Variants in SPTBN5 observed in about 807,000 individuals in gnomAD.
SPTBN5 encodes spectrin beta chain, non-erythrocytic 5.
In SPTBN5, 513 loss-of-function variants were observed where a neutral mutation model predicts 477.6. The ratio of observed to expected loss-of-function variants is 1.07; its 90% CI spans 1.00 to 1.16. The LOEUF (loss-of-function observed/expected upper bound fraction) is 1.16. SPTBN5 is among the 50% of genes most tolerant of loss of function. SPTBN5 has a pLI of 0.00. For synonymous variants in SPTBN5, 2,169 were observed against 2,011.7 expected, an observed-to-expected ratio of 1.08 and a Z score of -2.09; for missense variants, 5,062 against 4,731.8, an observed-to-expected ratio of 1.07 and a Z score of -2.05.
At chr15:41,881,269 C>A in intron 12 of SPTBN5, 35 bp from the exon 13 acceptor site, 1 of 1,551,008 alleles carries the variant, frequency 6.4e-7, no homozygotes, top group South Asian at 1.2e-5. Flanking sequence ...TACAGGCGAC[C>A]CCATCAAGCA....
At position 41,882,293 on chromosome 15, in the gene SPTBN5, C is replaced by T. The variant is rs1341391189; in HGVS notation, c.2223G>A (p.Leu741=). The T allele has an allele frequency of 1.4e-6, 2 of 1,394,150 alleles. No individual in the cohort carries two copies. Among genetic ancestry groups the T allele is most frequent in the African/African-American group, 1.5e-5 (1 of 67,328 alleles). 86.4% of individuals were successfully genotyped at this position (1,394,150 alleles called of 1,614,324 possible). The stretch of plus-strand genomic sequence containing the variant: ...CCTGCAGGACCAGCAGGGCTGTCTG[C>T]AGCCGTGCGCCCCGCCCCACCACCC... The part of the protein sequence containing the change: ...QTRVVGRGAR[L]QTALLVLQYF... The change falls in exon 11 of 68, where the codon CTG becomes CTA. Residue 741 remains leucine, a synonymous_variant. Transcript: ENST00000320955.
Position 41,849,027 on chromosome 15 carries a change from G to A in SPTBN5, c.11013-399C>T, listed in dbSNP as rs747581384. Among the ~76,000 whole-genome samples, 9 of 152,330 alleles carry A rather than the reference G, an allele frequency of 5.9e-5. No individual in the cohort carries two copies. In the South Asian group the frequency reaches 6.2e-4, roughly 11 times the overall value. On this transcript the variant is annotated intron_variant, in intron 67 of 67. Transcript: ENST00000320955. ...GATGGTTACACTGGAGACCACAGCC[G>A]TGGCTGCCACCCCTCATGGTATGAG...
chr15:41,854,300 AC>A, intron 56 of SPTBN5, 95 bp from the exon 57 acceptor site: 1 of 1,438,364 alleles, frequency 7.0e-7, no homozygotes, highest in Non-Finnish European at 9.3e-7. Flanking sequence ...CTCCTTTTGA[AC>A]AAGGAGGATC....
chr15:41,876,471 T>C (rs891771308), intron 20 of SPTBN5, 77 bp downstream of exon 20: 256 of 1,408,750 alleles, frequency 1.8e-4, no homozygotes, highest in Middle Eastern at 1.7e-4. Flanking sequence ...AAGTGCTCTG[T>C]AGGCTGCACA....
chr15:41,867,822 A>G (rs2066381663), intron 34 of SPTBN5, among the ~76,000 whole-genome samples, 180 bp from the exon 35 acceptor site: 3 of 152,158 alleles, frequency 2.0e-5, no homozygotes, highest in African/African-American at 7.2e-5. Context: ...CAACCTCTGC[A>G]CCATGTGGGG....
At chr15:41,849,450 C>T (rs906948500) in intron 67 of SPTBN5, among the ~76,000 whole-genome samples, 8 of 152,136 alleles carry the variant, frequency 5.3e-5, no homozygotes, top group African/African-American at 1.9e-4. Flanking sequence ...GTCTGGCCGT[C>T]CTGCCAATGT....
At chr15:41,867,465 C>A (rs1375039355) in intron 35 of SPTBN5, 73 bp downstream of exon 35, 3 of 1,413,170 alleles carry the variant, frequency 2.1e-6, no homozygotes, top group Non-Finnish European at 3.0e-6. Flanking sequence ...ACACCAAGCG[C>A]CCCGTGACCC....
At position 41,879,271 on chromosome 15, in the gene SPTBN5, A is replaced by G. The variant is rs2066861763; in HGVS notation, c.3171T>C (p.Ser1057=). The G allele has an allele frequency of 6.2e-7, 1 of 1,611,320 alleles. No individual in the cohort carries two copies. The highest frequency in any genetic ancestry group is 1.3e-5 in the African/African-American group (1 of 74,834). The change falls in exon 16 of 68, where the codon AGT becomes AGC. Residue 1057 remains serine (S), a synonymous_variant. Transcript: ENST00000320955. ...TGCGCTGGCCGTACTTTACGACCAC[A>G]CTTTGGAGGAAGTGGACCCTCCTCT... The part of the protein sequence containing the change: ...VLERRVHFLQ[S]VVVKVEEPGY...
Position 41,873,717 on chromosome 15 carries a change from A to G in SPTBN5, c.4891-109T>C, listed in dbSNP as rs2066618700. On this transcript the variant is annotated intron_variant, in intron 25 of 67. Coordinates refer to ENST00000320955, the MANE Select transcript of SPTBN5 (RefSeq NM_016642.4). ...GCATCAAAGGGGCTTCTGTGCCCAT[A>G]GGGGCACCCATCAGCTCCCAGCCCA... The G allele has an allele frequency of 2.1e-6, 3 of 1,460,810 alleles. No individual in the cohort carries two copies. In the Admixed American group the frequency reaches 5.6e-5, roughly 27 times the overall value. 90.5% of individuals were successfully genotyped at this position (1,460,810 alleles called of 1,614,324 possible). A position where few individuals can be genotyped will look rare whatever the true frequency, so the allele number is the denominator to read the frequency against.
At position 41,857,226 on chromosome 15, in the gene SPTBN5, G is replaced by A. The variant is rs375345920; in HGVS notation, c.8621+12C>T. The A allele has an allele frequency of 2.5e-5, 40 of 1,579,072 alleles. No homozygotes were observed. The highest frequency in any genetic ancestry group is 3.4e-5 in the Non-Finnish European group (39 of 1,160,142). On this transcript the variant is annotated intron_variant, in intron 51 of 67. Coordinates refer to ENST00000320955, the MANE Select transcript of SPTBN5 (RefSeq NM_016642.4). The stretch of plus-strand genomic sequence containing the variant: ...GGCAGGGAAGAGAAGCTGAGGGCAC[G>A]GGTGGATCTACCTCTGAAGCAGCCG...
chr15:41,873,820 C>T (rs372199829), intron 25 of SPTBN5, 25 bp downstream of exon 25: 26 of 1,606,956 alleles, frequency 1.6e-5, no homozygotes, highest in Middle Eastern at 3.4e-4. Flanking sequence ...GCCTCTTCCC[C>T]CAACCCCACC....
chr15:41,856,261 G>C lies in SPTBN5; in HGVS notation c.9021+125C>G. ...AAACATGTGGAAGGAAGCCCTTGGGGGCAGGAGACCACTGAGTGGAGGAGA... is the reference window on the plus strand; with the variant it reads ...AAACATGTGGAAGGAAGCCCTTGGGCGCAGGAGACCACTGAGTGGAGGAGA... On this transcript the variant is annotated intron_variant, in intron 53 of 67. Transcript: ENST00000320955. The C allele has an allele frequency of 3.4e-6, 3 of 873,866 alleles. No individual in the cohort carries two copies. The East Asian group carries it at 9.0e-5, about 26-fold the overall frequency. 54.1% of individuals were successfully genotyped at this position (873,866 alleles called of 1,614,324 possible). A position where few individuals can be genotyped will look rare whatever the true frequency, so the allele number is the denominator to read the frequency against.
At position 41,855,349 on chromosome 15, in the gene SPTBN5, C is replaced by T. The variant is rs138964407; in HGVS notation, c.9298G>A (p.Gly3100Ser). The T allele has an allele frequency of 2.1e-5, 34 of 1,606,472 alleles. No individual in the cohort carries two copies. The highest frequency in any genetic ancestry group is 1.6e-4 in the Middle Eastern group (1 of 6,072). The part of the protein sequence containing the change: ...LLRRAEARGH[G>S]LQEQLQLHQL... ...TGTAGCTGCAGCTGCTCCTGCAGGC[C>T]GTGCCCCCTGGCCTCCGCCCTCCGC... The change falls in exon 55 of 68, where the codon GGC becomes AGC. Residue 3100 changes from glycine (G) to serine (S), a missense_variant. By Grantham distance (56) the Gly-to-Ser change is moderately conservative. Transcript: ENST00000320955.
chr15:41,882,698 G>A lies in SPTBN5; in HGVS notation c.1933C>T (p.Leu645=), dbSNP rs751587173. 2.5e-6 allele frequency: 4 copies of A among 1,609,786 alleles called. No individual in the cohort carries two copies. The Admixed American group carries it at 6.7e-5, about 27-fold the overall frequency. ...LEQTLQRAEF[L]RNCEEEEAWL... ...GCTTCCTCCTCCTCACAGTTGCGCA[G>A]GAACTCTGCCCGCTGCAGGGTCTGC... Residue 645 remains leucine (L), a synonymous_variant, in exon 10 of 68, where the codon CTG becomes TTG. Transcript: ENST00000320955.
At chr15:41,858,811 T>C in intron 48 of SPTBN5, 63 bp from the exon 49 acceptor site, 2 of 1,566,456 alleles carry the variant, frequency 1.3e-6, no homozygotes, top group South Asian at 2.3e-5. Flanking sequence ...ACCTCTGGGA[T>C]ACCCCAGAGG....
chr15:41,867,171 G>C, intron 35 of SPTBN5, 45 bp from the exon 36 acceptor site: 2 of 1,493,804 alleles, frequency 1.3e-6, no homozygotes, highest in South Asian at 2.6e-5. Flanking sequence ...CCTGGGCTGG[G>C]GCAGGGCCTG....
Position 41,879,459 on chromosome 15 carries a change from G to A in SPTBN5, c.2983C>T (p.Gln995Ter). The A allele has an allele frequency of 2.5e-6, 4 of 1,596,214 alleles. No individual in the cohort carries two copies. Among genetic ancestry groups the A allele is most frequent in the Non-Finnish European group, 1.7e-6 (2 of 1,173,304 alleles). ...CACACTTCCACACTGTGTGCCAGCT[G>A]CACGGCCTTCTCCCTCTTCAGGGCC... ...LEALKREKAV[Q>*]LAHSVEVCSF... The change falls in exon 16 of 68, where the codon CAG becomes TAG. Residue 995 changes from glutamine (Q) to a stop codon, truncating the protein, a stop_gained. Transcript: ENST00000320955. LOFTEE classifies it high-confidence loss of function.
chr15:41,876,054 C>A, intron 21 of SPTBN5, 60 bp downstream of exon 21: 1 of 1,554,246 alleles, frequency 6.4e-7, no homozygotes, highest in Non-Finnish European at 8.7e-7. Flanking sequence ...ACAGGTGGTG[C>A]AGTAGGGTTG....
In SPTBN5 at chr15:41,881,260, A is replaced by G. The variant is rs755586929; in HGVS notation, c.2458-26T>C. On this transcript the variant is annotated intron_variant, in intron 12 of 67. Coordinates refer to ENST00000320955, the MANE Select transcript of SPTBN5 (RefSeq NM_016642.4). Reference sequence around the variant, plus strand: ...CTGTGTGACAAAGGGCAGCGCGTCTACAGGCGACCCCATCAAGCAGCAGGG... The same window carrying G: ...CTGTGTGACAAAGGGCAGCGCGTCTGCAGGCGACCCCATCAAGCAGCAGGG... The G allele has an allele frequency of 3.2e-6, 5 of 1,570,054 alleles. No individual in the cohort carries two copies. The Admixed American group carries it at 7.4e-5, about 23-fold the overall frequency.
Sources: allele counts gnomAD v4.1 joint callset (sites outside exome capture counted in the v4.1 genomes callset), GRCh38; gene constraint gnomAD v4.1.1; transcripts MANE v1.5; gene names NCBI Gene and HGNC (gene_info 2026-07-23, HGNC 2026-07-21).